SYN2: variants seen among roughly 807,000 people sequenced by gnomAD.
SYN2 encodes synapsin-2.
SYN2 carries 19 observed loss-of-function variants against 50.9 expected under a neutral mutation model. The observed-to-expected ratio is 0.37, with a 90% CI of 0.26 to 0.55. The LOEUF is 0.55. Among genes scored for constraint, SYN2 ranks in the 20% least tolerant of loss-of-function variants. SYN2 has a pLI of 0.81. For synonymous variants in SYN2, 255 were observed against 224.9 expected (o/e 1.13, Z -1.20); for missense variants, 587 against 576.4 (o/e 1.02, Z -0.19).
chr3:12,191,991 C>T lies in SYN2; in HGVS notation c.*1366C>T, dbSNP rs1698452435. On this transcript the variant is annotated 3_prime_UTR_variant, in exon 13 of 13. Transcript: ENST00000621198. ...ACCACGGATGCTGTGAAGATAAACACTACATCTGCACCAATAAAAAATCCA... is the reference window on the plus strand; with the variant it reads ...ACCACGGATGCTGTGAAGATAAACATTACATCTGCACCAATAAAAAATCCA... Among the ~76,000 whole-genome samples, 5 of 152,192 alleles carry T rather than the reference C, an allele frequency of 3.3e-5. No homozygotes were observed. The South Asian group carries it at 1.0e-3, about 32-fold the overall frequency.
chr3:12,103,280 A>G (rs538200828), intron 1 of SYN2, among the ~76,000 whole-genome samples: 143 of 152,310 alleles, frequency 9.4e-4, no homozygotes, highest in South Asian at 2.7e-3. Flanking sequence ...GAACTTAAGG[A>G]ATAAGGAAGA....
chr3:12,185,787 C>T, intron 11 of SYN2: 1 of 984,296 alleles, frequency 1.0e-6, no homozygotes, highest in South Asian at 4.7e-5. Context: ...TGGGAAAGCA[C>T]TCAGGTTTCT....
At chr3:12,119,205 A>G (rs910471521) in intron 1 of SYN2, among the ~76,000 whole-genome samples, 4 of 151,392 alleles carry the variant, frequency 2.6e-5, no homozygotes, top group Non-Finnish European at 5.9e-5. Context: ...AGTGTCAGCT[A>G]TCCTTCCTTG....
intron 1 of SYN2, among the ~76,000 whole-genome samples, chr3:12,127,987 C>G (rs1253147911): frequency 6.6e-6 from 1 of 152,036 alleles, no homozygotes; most frequent in Non-Finnish European, 1.5e-5. Flanking sequence ...ACTCTGTTGC[C>G]CAGGCTGGAG....
chr3:12,158,835 A>C (rs1384011174), intron 5 of SYN2: 1 of 1,585,346 alleles, frequency 6.3e-7, no homozygotes, highest in East Asian at 2.3e-5. Flanking sequence ...GAGGGCTCCC[A>C]GGCATGACAC....
At chr3:12,009,393 AC>A in intron 1 of SYN2, among the ~76,000 whole-genome samples, 1 of 152,008 alleles carries the variant, frequency 6.6e-6, no homozygotes, top group Non-Finnish European at 1.5e-5. Flanking sequence ...TCTACCTTTA[AC>A]TTTTATATTT....
chr3:12,097,329 G>A (rs993088143), intron 1 of SYN2, among the ~76,000 whole-genome samples: 16 of 152,250 alleles, frequency 1.1e-4, no homozygotes, highest in African/African-American at 2.6e-4. Context: ...CATAATGGCC[G>A]GGTGCGGTGG....
At chr3:12,163,432 C>T (rs1031933713) in intron 7 of SYN2, among the ~76,000 whole-genome samples, 2 of 151,420 alleles carry the variant, frequency 1.3e-5, no homozygotes, top group Admixed American at 6.6e-5. Context: ...TACTTACACT[C>T]CCCACCCCTT....
chr3:12,107,303 G>T (rs1295097998), intron 1 of SYN2, among the ~76,000 whole-genome samples: 2 of 152,182 alleles, frequency 1.3e-5, no homozygotes, highest in African/African-American at 4.8e-5. Context: ...TTGAAAGTCT[G>T]TTACCCTGGG....
chr3:12,005,292 C>T (rs1183572152), intron 1 of SYN2, among the ~76,000 whole-genome samples: 1 of 152,116 alleles, frequency 6.6e-6, no homozygotes, highest in East Asian at 1.9e-4. Context: ...GTGAAATAGT[C>T]CCAGGAGGCC....
intron 1 of SYN2, among the ~76,000 whole-genome samples, chr3:12,077,785 G>A (rs1418666559): frequency 1.3e-5 from 2 of 152,098 alleles, no homozygotes; most frequent in African/African-American, 2.4e-5. Context: ...GAACATACAT[G>A]TGCATGTATC....
chr3:12,097,100 A>G (rs543811275), intron 1 of SYN2, among the ~76,000 whole-genome samples: 68 of 152,344 alleles, frequency 4.5e-4, no homozygotes, highest in African/African-American at 1.5e-3. Context: ...CCATTGTGGA[A>G]GACAGTGTGG....
intron 10 of SYN2, among the ~76,000 whole-genome samples, chr3:12,173,116 C>G (rs971858381): frequency 1.3e-5 from 2 of 152,200 alleles, no homozygotes; most frequent in African/African-American, 4.8e-5. Flanking sequence ...CTGGTAACCT[C>G]TATTAGCTTC....
At chr3:12,154,434 C>T in intron 5 of SYN2, 1 of 1,614,104 alleles carries the variant, frequency 6.2e-7, no homozygotes, top group Non-Finnish European at 8.5e-7. Flanking sequence ...AAGACTTTTC[C>T]ATCACTGAGG....
intron 1 of SYN2, among the ~76,000 whole-genome samples, chr3:12,104,486 G>A (rs1446968712): frequency 6.6e-6 from 1 of 151,414 alleles, no homozygotes; most frequent in Non-Finnish European, 1.5e-5. Context: ...GTATGATCTA[G>A]TGGGCACATA....
chr3:12,098,732 T>A (rs894205553), intron 1 of SYN2, among the ~76,000 whole-genome samples: 1 of 151,458 alleles, frequency 6.6e-6, no homozygotes, highest in Non-Finnish European at 1.5e-5. Context: ...TAAATGAAAT[T>A]AGATTAAACA....
intron 12 of SYN2, among the ~76,000 whole-genome samples, chr3:12,188,203 G>A (rs1313023061): frequency 6.6e-6 from 1 of 152,220 alleles, no homozygotes; most frequent in Non-Finnish European, 1.5e-5. Context: ...AGGCAGAGAC[G>A]CTGAGGAACT....
intron 1 of SYN2, among the ~76,000 whole-genome samples, chr3:12,025,103 C>T (rs1395942614): frequency 6.6e-6 from 1 of 152,172 alleles, no homozygotes; most frequent in South Asian, 2.1e-4. Flanking sequence ...TGCTATGCCC[C>T]TACATGGTGA....
intron 1 of SYN2, among the ~76,000 whole-genome samples, chr3:12,127,919 C>T (rs78445517): frequency 0.03 from 4,608 of 152,092 alleles, 159 homozygotes; most frequent in East Asian, 0.19. Context: ...AAAAATAAAA[C>T]TCCCTTGTGC....
Sources: gnomAD v4.1 joint callset for allele counts (sites outside exome capture counted in the v4.1 genomes callset) on GRCh38, gnomAD v4.1.1 for gene constraint, MANE v1.5 for transcripts, NCBI Gene and HGNC (gene_info 2026-07-23, HGNC 2026-07-21) for gene names.